PTPRD: variants seen among roughly 807,000 people sequenced by gnomAD.
PTPRD encodes protein tyrosine phosphatase receptor type D.
In PTPRD, 34 loss-of-function variants were observed where a neutral mutation model predicts 214.5. That is an observed-to-expected ratio of 0.16 (90% CI 0.12 to 0.21). The LOEUF (loss-of-function observed/expected upper bound fraction) is 0.21. PTPRD is among the 10% of genes least tolerant of loss of function. PTPRD has a pLI of 1.00. For missense variants in PTPRD, 2,545 were observed against 2,398.7 expected, an observed-to-expected ratio of 1.06 and a Z score of -1.27; for synonymous variants, 1,128 against 845.7, an observed-to-expected ratio of 1.33 and a Z score of -5.79.
intron 12 of PTPRD, among the ~76,000 whole-genome samples, chr9:8,729,206 T>C (rs2098627998): frequency 6.6e-6 from 1 of 152,204 alleles, no homozygotes; most frequent in African/African-American, 2.4e-5. Flanking sequence ...CTACTATCCA[T>C]TCTACCCAAG....
chr9:9,923,123 G>GGTGTGTGTGTGTGTGT (rs35299908), intron 5 of PTPRD, among the ~76,000 whole-genome samples: 56 of 145,056 alleles, frequency 3.9e-4, no homozygotes, highest in African/African-American at 1.3e-3. Flanking sequence ...GTGTGTGGGG[G>GGTGTGTGTGTGTGTGT]GTGTGTGTGT....
chr9:9,595,292 A>ATATATATATATATAT lies in PTPRD; in HGVS notation c.-286-20526_-286-20512dup, dbSNP rs2093193212. ...ATGAAAAGGATTATATATATATTAT[A>ATATATATATATATAT]TATATATATATATATATATTATATA... is the stretch of plus-strand genomic sequence containing the variant. On this transcript the variant is annotated intron_variant, in intron 7 of 45. Transcript: ENST00000381196. Among the ~76,000 whole-genome samples the ATATATATATATATAT allele has an allele frequency of 4.6e-3, 14 of 3,018 alleles. No homozygotes were observed. In the South Asian group the frequency reaches 0.29, roughly 62 times the overall value. The allele number at this position is 3,018 out of a possible 152,430, so 2.0% of individuals were successfully genotyped here.
chr9:10,496,681 T>G (rs780740981), intron 2 of PTPRD, among the ~76,000 whole-genome samples: 7 of 152,088 alleles, frequency 4.6e-5, no homozygotes, highest in Non-Finnish European at 1.0e-4. Flanking sequence ...CATTGTGGTT[T>G]TAATTTGCAT....
chr9:9,729,769 G>C (rs557922522), intron 7 of PTPRD, among the ~76,000 whole-genome samples: 37 of 152,062 alleles, frequency 2.4e-4, no homozygotes, highest in Admixed American at 9.2e-4. Context: ...AAAATTGTGA[G>C]AGAACGAACA....
chr9:9,790,068 C>A (rs2098956614), intron 5 of PTPRD, among the ~76,000 whole-genome samples: 1 of 152,120 alleles, frequency 6.6e-6, no homozygotes, highest in Non-Finnish European at 1.5e-5. Flanking sequence ...TCTTTCTAAT[C>A]TGGTCCCAAT....
intron 8 of PTPRD, among the ~76,000 whole-genome samples, chr9:9,571,755 C>T (rs558614442): frequency 4.7e-4 from 71 of 150,840 alleles, no homozygotes; most frequent in African/African-American, 1.6e-3. Flanking sequence ...CTACATATTG[C>T]TTATTTTAAT....
chr9:10,007,048 G>C (rs929970242), intron 4 of PTPRD, among the ~76,000 whole-genome samples: 1 of 151,830 alleles, frequency 6.6e-6, no homozygotes, highest in African/African-American at 2.4e-5. Context: ...TAGTCTTTGA[G>C]CTCCTCAACA....
chr9:8,785,254 A>G (rs1050230054), intron 11 of PTPRD, among the ~76,000 whole-genome samples: 1 of 152,192 alleles, frequency 6.6e-6, no homozygotes, highest in African/African-American at 2.4e-5. Flanking sequence ...AAAAAACACT[A>G]ATCAATGAAA....
At chr9:9,154,068 G>T (rs1252216641) in intron 10 of PTPRD, among the ~76,000 whole-genome samples, 2 of 152,064 alleles carry the variant, frequency 1.3e-5, no homozygotes, top group Non-Finnish European at 2.9e-5. Flanking sequence ...GAATTTTGTG[G>T]TGCTTGATTT....
chr9:9,287,683 A>T (rs972531298), intron 9 of PTPRD, among the ~76,000 whole-genome samples: 1 of 151,934 alleles, frequency 6.6e-6, no homozygotes, highest in Non-Finnish European at 1.5e-5. Flanking sequence ...ATTTATATTT[A>T]AAAAGATTAT....
intron 9 of PTPRD, among the ~76,000 whole-genome samples, chr9:9,222,860 C>T (rs917957542): frequency 6.6e-6 from 1 of 151,924 alleles, no homozygotes; most frequent in African/African-American, 2.4e-5. Flanking sequence ...GTTAATTTTA[C>T]AGTACAATAT....
At chr9:9,650,199 T>G (rs953872122) in intron 7 of PTPRD, among the ~76,000 whole-genome samples, 10 of 152,186 alleles carry the variant, frequency 6.6e-5, no homozygotes, top group African/African-American at 2.4e-4. Context: ...CCTGTCACCA[T>G]GTAAGATGTG....
chr9:9,159,309 T>C lies in PTPRD; in HGVS notation c.-143+23995A>G, dbSNP rs2099884249. 2.0e-5 allele frequency among the ~76,000 whole-genome samples: 3 copies of C among 152,142 alleles called. 1 individual carries two copies. Among genetic ancestry groups the C allele is most frequent in the Admixed American group, 2.0e-4 (3 of 15,250 alleles). On this transcript the variant is annotated intron_variant, in intron 10 of 45. Coordinates refer to ENST00000381196, the MANE Select transcript of PTPRD (RefSeq NM_002839.4). ...AAATAGAGAAATAGCAAATAGAGACTATCTGCTGAAGACTCCACCATAAAG... is the reference window on the plus strand; with the variant it reads ...AAATAGAGAAATAGCAAATAGAGACCATCTGCTGAAGACTCCACCATAAAG...
chr9:10,444,348 T>C (rs1030709987), intron 2 of PTPRD, among the ~76,000 whole-genome samples: 18 of 151,826 alleles, frequency 1.2e-4, no homozygotes, highest in African/African-American at 4.3e-4. Context: ...TACGGCCTAT[T>C]TGAAAAATGC....
intron 2 of PTPRD, among the ~76,000 whole-genome samples, chr9:10,567,876 T>A (rs1311373851): frequency 1.3e-5 from 2 of 151,640 alleles, no homozygotes; most frequent in East Asian, 1.9e-4. Context: ...AAACAATCAA[T>A]ATGATTTTTG....
intron 37 of PTPRD, among the ~76,000 whole-genome samples, chr9:8,386,132 G>A (rs779584791): frequency 5.9e-5 from 9 of 151,990 alleles, no homozygotes; most frequent in East Asian, 3.9e-4. Context: ...TAACCCTTCC[G>A]CATAATCCAA....
intron 12 of PTPRD, among the ~76,000 whole-genome samples, chr9:8,675,979 T>C (rs1236095188): frequency 1.3e-5 from 2 of 152,186 alleles, no homozygotes; most frequent in Non-Finnish European, 2.9e-5. Context: ...CCTCAGAATC[T>C]AACAGGTAAG....
At chr9:9,187,391 G>T (rs1193657785) in intron 9 of PTPRD, among the ~76,000 whole-genome samples, 1 of 152,000 alleles carries the variant, frequency 6.6e-6, no homozygotes, top group Non-Finnish European at 1.5e-5. Flanking sequence ...CACCAGGTAA[G>T]TAAAATTCCA....
At chr9:9,663,440 C>G (rs966493086) in intron 7 of PTPRD, among the ~76,000 whole-genome samples, 1 of 151,372 alleles carries the variant, frequency 6.6e-6, no homozygotes, top group African/African-American at 2.4e-5. Flanking sequence ...GGTTTTAACA[C>G]AGAATTCAAC....
Sources: gnomAD v4.1 joint callset for allele counts (sites outside exome capture counted in the v4.1 genomes callset) on GRCh38, gnomAD v4.1.1 for gene constraint, MANE v1.5 for transcripts, NCBI Gene and HGNC (gene_info 2026-07-23, HGNC 2026-07-21) for gene names.